Variants in ATXN1 observed in about 807,000 individuals in gnomAD.
The protein encoded by ATXN1 is ataxin 1.
ATXN1 carries 8 observed loss-of-function variants against 56.4 expected under a neutral mutation model. That is an observed-to-expected ratio of 0.14 (90% CI 0.08 to 0.26). The LOEUF is 0.26. ATXN1 is among the 10% of genes least tolerant of loss of function. ATXN1 has a pLI of 1.00. For missense variants in ATXN1, 987 were observed against 1,106.5 expected (o/e 0.89, Z 1.53); for synonymous variants, 514 against 494.6 (o/e 1.04, Z -0.52).
intron 4 of ATXN1, among the ~76,000 whole-genome samples, chr6:16,577,551 A>G (rs1282569244): frequency 6.6e-6 from 1 of 151,930 alleles, no homozygotes; most frequent in East Asian, 1.9e-4. Context: ...AGGAAAAAAA[A>G]TCATGTGGTT....
At chr6:16,467,641 T>C (rs957569984) in intron 6 of ATXN1, among the ~76,000 whole-genome samples, 1 of 152,234 alleles carries the variant, frequency 6.6e-6, no homozygotes, top group Non-Finnish European at 1.5e-5. Context: ...AGCCATTTGT[T>C]TTCCATTCTT....
chr6:16,388,047 T>C (rs1357517612), intron 6 of ATXN1, among the ~76,000 whole-genome samples: 2 of 152,220 alleles, frequency 1.3e-5, no homozygotes, highest in South Asian at 2.1e-4. Flanking sequence ...CCCAAGTCCA[T>C]AGATGTGATC....
intron 5 of ATXN1, among the ~76,000 whole-genome samples, chr6:16,497,559 A>T (rs147670416): frequency 8.6e-4 from 130 of 152,024 alleles, no homozygotes; most frequent in Non-Finnish European, 1.5e-3. Context: ...TGTGACTTTC[A>T]CTCTCCTAAG....
rs778287806 is a variant in ATXN1, at chr6:16,306,668, G to A, written c.2109C>T (p.Pro703=). 14 of 1,614,166 alleles carry A rather than the reference G, an allele frequency of 8.7e-6. No individual in the cohort carries two copies. The highest frequency in any genetic ancestry group is 1.6e-4 in the Middle Eastern group (1 of 6,062). The change falls in exon 8 of 8, where the codon CCC becomes CCT. Residue 703 remains proline (P), a synonymous_variant. Transcript: ENST00000436367. This position sits in a 1 kb window ranked among gnomAD's most constrained non-coding sequence, Gnocchi z 5.2. ...GSVKKGQPVD[P]ASVLLKHSKA... The stretch of plus-strand genomic sequence containing the variant: ...TTGAGTGCTTCAGCAGGACGCTGGC[G>A]GGATCCACGGGCTGGCCCTTTTTAA...
chr6:16,361,158 G>A lies in ATXN1; in HGVS notation c.-160-32688C>T, dbSNP rs1761800787. Among the ~76,000 whole-genome samples, 3 of 152,184 alleles carry A rather than the reference G, an allele frequency of 2.0e-5. No homozygotes were observed. In the South Asian group the frequency reaches 6.2e-4, roughly 32 times the overall value. On this transcript the variant is annotated intron_variant, in intron 6 of 7. Coordinates refer to ENST00000436367, the MANE Select transcript of ATXN1 (RefSeq NM_001128164.2). ...ACATTTAACTGTCTCTGAGAGGCAA[G>A]AAGAATCTGTGTTAGGGGTGTGGCT...
At chr6:16,559,787 C>G (rs1044376245) in intron 4 of ATXN1, among the ~76,000 whole-genome samples, 2 of 151,928 alleles carry the variant, frequency 1.3e-5, no homozygotes, top group Non-Finnish European at 1.5e-5. Context: ...ATACCAAGGA[C>G]ACTGAAATAT....
intron 3 of ATXN1, among the ~76,000 whole-genome samples, chr6:16,638,028 T>A (rs1200888380): frequency 6.6e-6 from 1 of 152,204 alleles, no homozygotes; most frequent in Non-Finnish European, 1.5e-5. Context: ...TTTTAATTAA[T>A]GCATACATAT....
chr6:16,459,550 C>T (rs1009723942), intron 6 of ATXN1, among the ~76,000 whole-genome samples: 2 of 152,168 alleles, frequency 1.3e-5, no homozygotes, highest in East Asian at 3.9e-4. Flanking sequence ...TTGTACCCAA[C>T]CCCTATACCC....
intron 3 of ATXN1, among the ~76,000 whole-genome samples, chr6:16,624,988 T>C (rs1201468605): frequency 1.3e-5 from 2 of 152,204 alleles, no homozygotes; most frequent in African/African-American, 4.8e-5. Context: ...ATACTTGTTT[T>C]TGAACAGCCT....
At chr6:16,699,917 TA>T (rs1759247365) in intron 2 of ATXN1, among the ~76,000 whole-genome samples, 1 of 152,200 alleles carries the variant, frequency 6.6e-6, no homozygotes, top group Admixed American at 6.5e-5. Context: ...TACAGAGTTT[TA>T]AAAAATAAAA....
chr6:16,465,748 G>A (rs1447218486), intron 6 of ATXN1, among the ~76,000 whole-genome samples: 3 of 152,104 alleles, frequency 2.0e-5, no homozygotes, highest in Non-Finnish European at 4.4e-5. Context: ...CTGTGATTAG[G>A]AGGTTAAAAT....
chr6:16,700,475 G>C (rs765121175), intron 2 of ATXN1, among the ~76,000 whole-genome samples: 4 of 152,216 alleles, frequency 2.6e-5, no homozygotes, highest in Non-Finnish European at 2.9e-5. Flanking sequence ...TGGAAGAGGA[G>C]AGCCAAGTTT....
At chr6:16,704,531 T>C (rs2113443616) in intron 2 of ATXN1, among the ~76,000 whole-genome samples, 1 of 152,336 alleles carries the variant, frequency 6.6e-6, no homozygotes, top group South Asian at 2.1e-4. Flanking sequence ...TGAAAGTAAA[T>C]GTCCTTTCAA....
At chr6:16,606,687 C>T (rs562836201) in intron 3 of ATXN1, among the ~76,000 whole-genome samples, 1 of 151,456 alleles carries the variant, frequency 6.6e-6, no homozygotes, top group East Asian at 2.0e-4. Flanking sequence ...TGCCACCAAA[C>T]CTGGCTAATT....
intron 6 of ATXN1, among the ~76,000 whole-genome samples, chr6:16,451,313 C>A (rs1313938807): frequency 6.6e-6 from 1 of 152,144 alleles, no homozygotes; most frequent in Admixed American, 6.5e-5. Context: ...ACTAAAAATA[C>A]AAAAATTAGT....
At chr6:16,522,059 T>C (rs373853263) in intron 5 of ATXN1, among the ~76,000 whole-genome samples, 9 of 152,192 alleles carry the variant, frequency 5.9e-5, no homozygotes, top group African/African-American at 2.2e-4. Context: ...ACCAGACTTG[T>C]GCAGGGCAAA....
chr6:16,349,930 G>C (rs1471956781), intron 6 of ATXN1, among the ~76,000 whole-genome samples: 1 of 152,192 alleles, frequency 6.6e-6, no homozygotes, highest in Non-Finnish European at 1.5e-5. Context: ...ATAGTACACT[G>C]TTTAGATACA....
intron 1 of ATXN1, among the ~76,000 whole-genome samples, chr6:16,754,273 T>C (rs1034265739): frequency 2.6e-5 from 4 of 152,242 alleles, no homozygotes; most frequent in African/African-American, 9.6e-5. Flanking sequence ...TAGTGAATGC[T>C]GGACTGATTT....
chr6:16,440,813 CA>C (rs764226347), intron 6 of ATXN1, among the ~76,000 whole-genome samples: 9 of 152,048 alleles, frequency 5.9e-5, no homozygotes, highest in Non-Finnish European at 8.8e-5. Context: ...TGGAATTACA[CA>C]GCCAAAAACC....
Sources: allele counts gnomAD v4.1 joint callset (sites outside exome capture counted in the v4.1 genomes callset), GRCh38; gene constraint gnomAD v4.1.1; non-coding constraint Gnocchi (gnomAD v3.1); transcripts MANE v1.5; gene names NCBI Gene and HGNC (gene_info 2026-07-23, HGNC 2026-07-21).